TRIO: variants seen among roughly 807,000 people sequenced by gnomAD.
The protein encoded by TRIO is trio Rho guanine nucleotide exchange factor.
Under a neutral mutation model 351.9 loss-of-function variants are expected in TRIO, and 58 were observed. That is an observed-to-expected ratio of 0.16 (90% CI 0.13 to 0.21). The LOEUF is 0.21. TRIO is among the 10% of genes least tolerant of loss of function. The pLI is 1.00. For missense variants in TRIO, 3,201 were observed against 4,027.8 expected (o/e 0.79, Z 5.56); for synonymous variants, 1,758 against 1,595.7 (o/e 1.10, Z -2.42).
At chr5:14,350,454 G>A (rs371484522) in intron 11 of TRIO, among the ~76,000 whole-genome samples, 3 of 152,294 alleles carry the variant, frequency 2.0e-5, no homozygotes, top group East Asian at 1.9e-4. Flanking sequence ...ACTTGATACT[G>A]TTTGGTTAGT....
intron 1 of TRIO, among the ~76,000 whole-genome samples, chr5:14,213,822 T>C (rs1450880225): frequency 1.3e-5 from 2 of 152,176 alleles, no homozygotes; most frequent in African/African-American, 2.4e-5. Context: ...AATGAAGAGC[T>C]TCTGTCCAGG....
chr5:14,345,432 G>A (rs1742334776), intron 11 of TRIO, among the ~76,000 whole-genome samples: 1 of 152,202 alleles, frequency 6.6e-6, no homozygotes, highest in African/African-American at 2.4e-5. Flanking sequence ...GGTTGTAAAT[G>A]TCTGCTTTAA....
chr5:14,368,946 T>A (rs1744836832), intron 17 of TRIO, 47 bp downstream of exon 17: 1 of 1,569,818 alleles, frequency 6.4e-7, no homozygotes, highest in African/African-American at 1.4e-5. Flanking sequence ...TACTTTATTT[T>A]GAGCTTAATT....
intron 1 of TRIO, chr5:14,184,085 A>G (rs913805061): frequency 7.9e-6 from 5 of 629,718 alleles, no homozygotes; most frequent in Admixed American, 2.3e-5. Flanking sequence ...CCAGATGAGC[A>G]GCCATGACAG....
At chr5:14,366,599 A>G (rs1449004492) in intron 15 of TRIO, among the ~76,000 whole-genome samples, 1 of 152,242 alleles carries the variant, frequency 6.6e-6, no homozygotes, top group Non-Finnish European at 1.5e-5. Flanking sequence ...CTAATTATCA[A>G]CAATCCACTG....
intron 24 of TRIO, 57 bp downstream of exon 24, chr5:14,388,736 G>C: frequency 1.3e-6 from 2 of 1,497,224 alleles, no homozygotes; most frequent in Non-Finnish European, 1.8e-6. Context: ...GCATAAGCTT[G>C]CTATTTTATT....
At chr5:14,396,606 A>T (rs1447504418) in intron 28 of TRIO, among the ~76,000 whole-genome samples, 1 of 150,410 alleles carries the variant, frequency 6.6e-6, no homozygotes, top group Non-Finnish European at 1.5e-5. Flanking sequence ...AGTAGCTGGG[A>T]TTACAGGTGC....
At chr5:14,228,975 A>G (rs549550221) in intron 1 of TRIO, among the ~76,000 whole-genome samples, 16 of 152,342 alleles carry the variant, frequency 1.1e-4, no homozygotes, top group South Asian at 2.1e-4. Context: ...AATTTTAGGT[A>G]TGTGTTCATA....
At chr5:14,449,893 A>G (rs1752722759) in intron 34 of TRIO, among the ~76,000 whole-genome samples, 1 of 152,200 alleles carries the variant, frequency 6.6e-6, no homozygotes, top group South Asian at 2.1e-4. Context: ...ACGTTTCTTT[A>G]TTGGAAATTT....
chr5:14,286,430 G>A lies in TRIO; in HGVS notation c.348-441G>A, dbSNP rs888242065. Among the ~76,000 whole-genome samples the A allele has an allele frequency of 1.3e-5, 2 of 152,104 alleles. No homozygotes were observed. Among genetic ancestry groups the A allele is most frequent in the Non-Finnish European group, 2.9e-5 (2 of 68,028 alleles). ...TGCTGGGAGTCCTGGGGTAACTGCC[G>A]TCCACAGGTCTCAGACTGTCCCCAG... On this transcript the variant is annotated intron_variant, in intron 3 of 56. Transcript: ENST00000344204. This position sits in a 1 kb window ranked among gnomAD's most constrained non-coding sequence, Gnocchi z 4.4.
At chr5:14,211,732 CTT>C (rs1215918674) in intron 1 of TRIO, among the ~76,000 whole-genome samples, 1 of 151,326 alleles carries the variant, frequency 6.6e-6, no homozygotes, top group African/African-American at 2.4e-5. Context: ...ATGTGGCAAT[CTT>C]TTTAGTATTC....
At chr5:14,437,282 A>G (rs908142657) in intron 34 of TRIO, among the ~76,000 whole-genome samples, 2 of 152,180 alleles carry the variant, frequency 1.3e-5, no homozygotes, top group African/African-American at 4.8e-5. Flanking sequence ...CATGGAAGAA[A>G]CTTACAGATT....
intron 9 of TRIO, among the ~76,000 whole-genome samples, chr5:14,321,591 T>G (rs904830848): frequency 1.3e-5 from 2 of 152,216 alleles, no homozygotes; most frequent in Non-Finnish European, 2.9e-5. Context: ...GATCTCCTAT[T>G]CTGTGCCTTT....
chr5:14,463,970 G>C (rs1042351740), intron 36 of TRIO, among the ~76,000 whole-genome samples: 2 of 152,158 alleles, frequency 1.3e-5, no homozygotes, highest in Non-Finnish European at 2.9e-5. Flanking sequence ...CCAGCACACT[G>C]TAAGGGTGCT....
intron 1 of TRIO, among the ~76,000 whole-genome samples, chr5:14,190,985 T>C (rs1049521927): frequency 2.1e-5 from 3 of 140,072 alleles, no homozygotes; most frequent in South Asian, 2.1e-4. Flanking sequence ...ATATGTATAT[T>C]ATAATTAATA....
chr5:14,346,551 T>G (rs1268212163), intron 11 of TRIO, among the ~76,000 whole-genome samples: 1 of 152,242 alleles, frequency 6.6e-6, no homozygotes, highest in Admixed American at 6.5e-5. Context: ...AAGGTGGATT[T>G]CACGCATTAC....
chr5:14,246,881 C>T (rs1313227318), intron 1 of TRIO, among the ~76,000 whole-genome samples: 29 of 152,248 alleles, frequency 1.9e-4, no homozygotes. Flanking sequence ...GTGCCCACTC[C>T]TGGCCACCTT....
chr5:14,280,017 C>T lies in TRIO; in HGVS notation c.233-305C>T, dbSNP rs906635927. On this transcript the variant is annotated intron_variant, in intron 2 of 56. Transcript: ENST00000344204. ...GTCTGAGGTGAGTGAAACACATGGA[C>T]GTGACAACTTTTTTTTCTGTCCAAA... 4.6e-5 allele frequency among the ~76,000 whole-genome samples: 7 copies of T among 152,142 alleles called. No individual in the cohort carries two copies. In the East Asian group the frequency reaches 5.8e-4, roughly 13 times the overall value.
intron 11 of TRIO, among the ~76,000 whole-genome samples, chr5:14,344,988 T>A (rs994387087): frequency 4.0e-5 from 6 of 151,632 alleles, no homozygotes; most frequent in South Asian, 2.1e-4. Context: ...AAATAAGTGA[T>A]TTTTTTTTCC....
Sources: gnomAD v4.1 joint callset for allele counts (sites outside exome capture counted in the v4.1 genomes callset) on GRCh38, gnomAD v4.1.1 for gene constraint, Gnocchi (gnomAD v3.1) non-coding constraint, MANE v1.5 for transcripts, NCBI Gene and HGNC (gene_info 2026-07-23, HGNC 2026-07-21) for gene names.